The following PPP6R3 variants were observed in gnomAD, a reference collection of about 807,000 sequenced individuals.
PPP6R3 encodes the protein protein phosphatase 6 regulatory subunit 3, also known as serine/threonine-protein phosphatase 6 regulatory subunit 3.
In PPP6R3, 38 loss-of-function variants were observed where a neutral mutation model predicts 110.7. The observed-to-expected ratio is 0.34, with a 90% CI of 0.26 to 0.45. PPP6R3 has a LOEUF of 0.45. Among genes scored for constraint, PPP6R3 ranks in the 20% least tolerant of loss-of-function variants. The pLI is 1.00. For missense variants in PPP6R3, 870 were observed against 1,062.4 expected (o/e 0.82, Z 2.52); for synonymous variants, 369 against 373.5 (o/e 0.99, Z 0.14).
chr11:68,586,716 G>T (rs2099579720), intron 15 of PPP6R3: 3 of 152,142 alleles, frequency 2.0e-5, no homozygotes, highest in Admixed American at 2.0e-4. Context: ...CTAATATAAG[G>T]TTTATTTTTA....
intron 14 of PPP6R3, among the ~76,000 whole-genome samples, chr11:68,582,308 ATTTG>A (rs1205248977): frequency 2.0e-5 from 3 of 152,178 alleles, no homozygotes; most frequent in South Asian, 2.1e-4. Flanking sequence ...GTACTTAATT[ATTTG>A]TTTATCTGAT....
chr11:68,575,504 GA>G (rs2099527288), intron 13 of PPP6R3, among the ~76,000 whole-genome samples: 1 of 152,182 alleles, frequency 6.6e-6, no homozygotes, highest in Non-Finnish European at 1.5e-5. Context: ...AGCATTTCAA[GA>G]AAGTGTGCAG....
intron 4 of PPP6R3, among the ~76,000 whole-genome samples, chr11:68,547,551 T>C (rs2099354212): frequency 6.6e-6 from 1 of 152,168 alleles, no homozygotes; most frequent in Non-Finnish European, 1.5e-5. Context: ...TGGAGTAAAT[T>C]GGTGAAGTCA....
In PPP6R3 at chr11:68,559,931, T is replaced by TGGTACGGTGCCCTCTTCC. The variant is rs2099412927; in HGVS notation, c.845+1252_845+1253insGGTACGGTGCCCTCTTCC. Among the ~76,000 whole-genome samples the TGGTACGGTGCCCTCTTCC allele has an allele frequency of 2.6e-4, 3 of 11,650 alleles. 1 individual carries two copies. Among genetic ancestry groups the TGGTACGGTGCCCTCTTCC allele is most frequent in the Non-Finnish European group, 5.4e-4 (3 of 5,590 alleles). 7.6% of individuals were successfully genotyped at this position (11,650 alleles called of 152,430 possible). On this transcript the variant is annotated intron_variant, in intron 8 of 23. Transcript: ENST00000393800. ...ACCCCAGCGGTACGGTGCCCTCTTC[T>TGGTACGGTGCCCTCTTCC]CACCCCAGCGGTACGGTGCCCTCTT...
chr11:68,501,749 T>C (rs1246235467), intron 1 of PPP6R3, among the ~76,000 whole-genome samples: 1 of 152,262 alleles, frequency 6.6e-6, no homozygotes, highest in Non-Finnish European at 1.5e-5. Context: ...TTTTCATGTT[T>C]TGTTTATAAG....
chr11:68,472,555 G>T (rs2098799492), intron 1 of PPP6R3, among the ~76,000 whole-genome samples: 1 of 150,764 alleles, frequency 6.6e-6, no homozygotes, highest in African/African-American at 2.4e-5. Flanking sequence ...ATCCTTGCTA[G>T]CCCTTGGTAT....
At chr11:68,543,584 C>A (rs1471685896) in intron 3 of PPP6R3, among the ~76,000 whole-genome samples, 2 of 152,146 alleles carry the variant, frequency 1.3e-5, no homozygotes, top group Non-Finnish European at 2.9e-5. Flanking sequence ...CCTTGGATGC[C>A]CCAGGTGTGT....
At position 68,576,698 on chromosome 11, in the gene PPP6R3, A is replaced by G. The variant is rs569695244; in HGVS notation, c.1545+655A>G. On this transcript the variant is annotated intron_variant, in intron 14 of 23. Transcript: ENST00000393800. ...GGAAAGCATTTCCTTTTACAAGTAC[A>G]TGCCAGCTGATAGTCGAGGGGTGGC... Among the ~76,000 whole-genome samples the G allele has an allele frequency of 2.6e-5, 4 of 152,210 alleles. No homozygotes were observed. The South Asian group carries it at 8.3e-4, about 32-fold the overall frequency.
intron 1 of PPP6R3, among the ~76,000 whole-genome samples, chr11:68,467,322 C>G (rs950279576): frequency 2.0e-5 from 3 of 152,180 alleles, no homozygotes; most frequent in African/African-American, 7.2e-5. Context: ...TACATAGTGA[C>G]TTGAAGTGAT....
chr11:68,497,867 T>C (rs773852879), intron 1 of PPP6R3, among the ~76,000 whole-genome samples: 10 of 152,186 alleles, frequency 6.6e-5, no homozygotes, highest in Non-Finnish European at 1.5e-4. Flanking sequence ...TGTGTTTTTT[T>C]CTGAGTTTTG....
chr11:68,495,395 T>C (rs887888651), intron 1 of PPP6R3, among the ~76,000 whole-genome samples: 1 of 152,240 alleles, frequency 6.6e-6, no homozygotes. Flanking sequence ...TAATGTTTTT[T>C]AGTATATTCA....
chr11:68,590,007 T>C (rs1274688247), intron 16 of PPP6R3, among the ~76,000 whole-genome samples: 1 of 152,222 alleles, frequency 6.6e-6, no homozygotes, highest in Non-Finnish European at 1.5e-5. Context: ...GTTTGGTGTC[T>C]CGACATTCAC....
intron 14 of PPP6R3, among the ~76,000 whole-genome samples, chr11:68,581,364 C>T (rs2099553847): frequency 6.6e-6 from 1 of 152,250 alleles, no homozygotes; most frequent in Non-Finnish European, 1.5e-5. Context: ...GTGTTAAAAT[C>T]TTATTTTGTA....
At position 68,537,844 on chromosome 11, in the gene PPP6R3, C is replaced by A; in HGVS notation, c.180C>A (p.Phe60Leu). ...AATGTCTCGAAGATTTAGTCTCATT[C>A]ATTATAGAAGAACCACCTCAAGACA... ...KAECLEDLVS[F>L]IIEEPPQDMD... The change falls in exon 3 of 24, where the codon TTC becomes TTA. Residue 60 changes from phenylalanine (F) to leucine (L), a missense_variant. Physicochemically the swap from Phe to Leu is conservative, Grantham distance 22 (BLOSUM62 0). Coordinates refer to ENST00000393800, the MANE Select transcript of PPP6R3 (RefSeq NM_001164161.2). 6.2e-7 allele frequency: 1 copy of A among 1,613,958 alleles called. No homozygotes were observed. Among genetic ancestry groups the A allele is most frequent in the Non-Finnish European group, 8.5e-7 (1 of 1,179,880 alleles).
chr11:68,601,874 C>T lies in PPP6R3; in HGVS notation c.2204C>T (p.Ser735Phe), dbSNP rs555381830. Residue 735 changes from serine to phenylalanine, a missense_variant, in exon 21 of 24, where the codon TCT (serine) becomes TTT (phenylalanine). Transcript: ENST00000393800. ...CTCTTTTTTGAAAGCACAAAAGATT[C>T]TTTAAGGAGTAATTCTCCAGTGGAA... ...EFTSSLSTKD[S>F]LRSNSPVEME... 3 of 1,612,674 alleles carry T rather than the reference C, an allele frequency of 1.9e-6. No individual in the cohort carries two copies. The Admixed American group carries it at 5.0e-5, about 27-fold the overall frequency.
chr11:68,495,244 A>T (rs1267885873), intron 1 of PPP6R3, among the ~76,000 whole-genome samples: 8 of 152,244 alleles, frequency 5.3e-5, no homozygotes, highest in Non-Finnish European at 1.0e-4. Flanking sequence ...ATGTGTGAAT[A>T]CATTTGGTAA....
intron 22 of PPP6R3, among the ~76,000 whole-genome samples, chr11:68,609,016 G>A (rs866123448): frequency 6.6e-6 from 1 of 152,108 alleles, no homozygotes; most frequent in South Asian, 2.1e-4. Flanking sequence ...CCTAATATGA[G>A]ATTTTTCATA....
At chr11:68,583,569 A>G (rs1030170087) in intron 15 of PPP6R3, among the ~76,000 whole-genome samples, 5 of 152,256 alleles carry the variant, frequency 3.3e-5, no homozygotes, top group African/African-American at 4.8e-5. Context: ...AGTTACATCT[A>G]AAGTAAATTT....
rs764655684 is a variant in PPP6R3 at position 68,571,034 on chromosome 11, T to C, written c.1279-6T>C. ...TTAACTGGAATATTCTTTTTTTTTT[T>C]TTCAGCTTTTCCAAAAATGTCAATT... On this transcript the variant is annotated splice_polypyrimidine_tract_variant and splice_region_variant and intron_variant, in intron 11 of 23. Transcript: ENST00000393800. The C allele has an allele frequency of 6.3e-7, 1 of 1,594,474 alleles. No homozygotes were observed. The highest frequency in any genetic ancestry group is 1.2e-5 in the South Asian group (1 of 86,216).
Sources: gnomAD v4.1 joint callset for allele counts (sites outside exome capture counted in the v4.1 genomes callset) on GRCh38, gnomAD v4.1.1 for gene constraint, MANE v1.5 for transcripts, NCBI Gene and HGNC (gene_info 2026-07-23, HGNC 2026-07-21) for gene names.